ANKRD26: variants seen among roughly 807,000 people sequenced by gnomAD.
The protein encoded by ANKRD26 is ankyrin repeat domain 26.
A neutral mutation model predicts 208.7 loss-of-function variants in ANKRD26; 141 were observed. The observed-to-expected ratio is 0.68, with a 90% CI of 0.59 to 0.78. The LOEUF (loss-of-function observed/expected upper bound fraction) is 0.78. Among genes scored for constraint, ANKRD26 ranks in the 30% least tolerant of loss-of-function variants. ANKRD26 has a pLI of 0.00. For synonymous variants in ANKRD26, 636 were observed against 660.4 expected (o/e 0.96, Z 0.57); for missense variants, 1,889 against 1,938.7 (o/e 0.97, Z 0.48).
chr10:26,974,453 G>A (rs2052195606), exon 6 of ANKRD26, among the ~76,000 whole-genome samples: 1 of 150,948 alleles, frequency 6.6e-6, no homozygotes, highest in Non-Finnish European at 1.5e-5. Flanking sequence ...CCATTCTCCT[G>A]CCTCAGCCTC....
chr10:27,043,666 G>T, intron 19 of ANKRD26, 99 bp from the exon 20 acceptor site: 1 of 1,227,490 alleles, frequency 8.1e-7, no homozygotes, highest in Non-Finnish European at 1.2e-6. Context: ...AAAAACACAG[G>T]TATTTCTTAA....
intron 18 of ANKRD26, among the ~76,000 whole-genome samples, chr10:27,045,308 T>C (rs1266655518): frequency 1.3e-5 from 2 of 151,788 alleles, no homozygotes; most frequent in Non-Finnish European, 2.9e-5. Context: ...CCTGTAGTTC[T>C]AGCTACTTGG....
chr10:27,040,681 G>C (rs963316759), intron 20 of ANKRD26, among the ~76,000 whole-genome samples: 4 of 152,120 alleles, frequency 2.6e-5, no homozygotes, highest in Non-Finnish European at 4.4e-5. Context: ...ATGAAACAAC[G>C]AGTTTCAAGA....
rs752031374 is a variant in ANKRD26 at position 27,093,428 on chromosome 10, T to G, written c.452A>C (p.His151Pro). The G allele has an allele frequency of 6.8e-6, 11 of 1,614,166 alleles. No individual in the cohort carries two copies. The East Asian group carries it at 2.5e-4, about 36-fold the overall frequency. ...TATGTCCTCATTATAGACAGCATAG[T>G]GAAGAGCAGTGTTGCCATGGACATC... is the stretch of plus-strand genomic sequence containing the variant. The part of the protein sequence containing the change: ...LADVHGNTAL[H>P]YAVYNEDISV... The change falls in exon 3 of 34, where the codon CAC becomes CCC. Residue 151 changes from histidine to proline, a missense_variant. His to Pro is a moderately conservative substitution (Grantham distance 77). Around this residue, in one of 3 missense-constraint regions of ANKRD26, gnomAD observed 1,272 missense variants for 1,273.8 expected, o/e 1.00. Coordinates refer to ENST00000376087, the MANE Select transcript of ANKRD26 (RefSeq NM_014915.3).
chr10:27,028,585 C>CA (rs11294303), intron 27 of ANKRD26, among the ~76,000 whole-genome samples: 5,573 of 75,896 alleles, frequency 0.073, 283 homozygotes, highest in East Asian at 0.15. Flanking sequence ...GACTCCATCT[C>CA]AAAAAAAAAA....
the ANKRD26 span, among the ~76,000 whole-genome samples, chr10:26,955,164 C>T: frequency 2.0e-5 from 3 of 151,962 alleles, no homozygotes; most frequent in Non-Finnish European, 4.4e-5. Flanking sequence ...CGCAGTAGCT[C>T]ATGCCCATAA....
intron 32 of ANKRD26, among the ~76,000 whole-genome samples, chr10:27,012,239 A>T (rs1260288138): frequency 1.3e-5 from 2 of 152,200 alleles, no homozygotes; most frequent in African/African-American, 2.4e-5. Context: ...AAGCCAAAGT[A>T]TCTCAACGTA....
the ANKRD26 span, among the ~76,000 whole-genome samples, chr10:26,951,018 T>C: frequency 5.9e-4 from 33 of 55,860 alleles, 1 homozygote; most frequent in East Asian, 2.5e-3. Context: ...CTTTTCTTTT[T>C]CTTTTTTTTT....
At chr10:26,991,918 T>C (rs1334993295) in exon 6 of ANKRD26, 1 of 152,184 alleles carries the variant, frequency 6.6e-6, no homozygotes, top group African/African-American at 2.4e-5. Context: ...AAAAATGACA[T>C]AGACAATAGG....
the ANKRD26 span, among the ~76,000 whole-genome samples, chr10:26,953,889 G>A: frequency 2.0e-5 from 3 of 152,154 alleles, no homozygotes; most frequent in Non-Finnish European, 4.4e-5. Context: ...CGTGCATCAA[G>A]CAGTACAAAA....
In ANKRD26 at chr10:27,033,284, T is replaced by C. The variant is rs2053937718; in HGVS notation, c.3748A>G (p.Ile1250Val). Residue 1250 changes from isoleucine to valine, a missense_variant, in exon 25 of 34, where the codon ATT becomes GTT. Coordinates refer to ENST00000376087, the MANE Select transcript of ANKRD26 (RefSeq NM_014915.3). ...ASLEVTSRYR[I>V]NLEDETQDLK... ...TCCTGTGTCTCATCTTCTAAATTAA[T>C]ACGATAACGTGACGTAACCTCCAGT... is the stretch of plus-strand genomic sequence containing the variant. 1 of 1,612,684 alleles carries C rather than the reference T, an allele frequency of 6.2e-7. No individual in the cohort carries two copies. The highest frequency in any genetic ancestry group is 1.3e-5 in the African/African-American group (1 of 74,900).
At chr10:26,975,795 T>G (rs189516947) in exon 6 of ANKRD26, among the ~76,000 whole-genome samples, 1 of 151,854 alleles carries the variant, frequency 6.6e-6, no homozygotes, top group Non-Finnish European at 1.5e-5. Context: ...TGAGCCCAGA[T>G]TGCCCCACTG....
intron 20 of ANKRD26, among the ~76,000 whole-genome samples, chr10:27,042,952 C>CAAAAAA (rs376971749): frequency 1.2e-5 from 1 of 82,412 alleles, no homozygotes; most frequent in African/African-American, 4.1e-5. Context: ...AATTTTGTCT[C>CAAAAAA]AAAAAAAAAA....
intron 33 of ANKRD26, among the ~76,000 whole-genome samples, chr10:27,006,449 G>A (rs1045446008): frequency 6.6e-6 from 1 of 152,200 alleles, no homozygotes; most frequent in Non-Finnish European, 1.5e-5. Context: ...CAATGACAAA[G>A]TAAATGACTG....
intron 30 of ANKRD26, among the ~76,000 whole-genome samples, chr10:27,017,137 C>A (rs2053321923): frequency 6.6e-6 from 1 of 152,126 alleles, no homozygotes; most frequent in Admixed American, 6.6e-5. Context: ...TACTCATGAA[C>A]TCTGATAATT....
chr10:26,974,308 C>T (rs1458064950), exon 6 of ANKRD26, among the ~76,000 whole-genome samples: 1 of 150,700 alleles, frequency 6.6e-6, no homozygotes, highest in Non-Finnish European at 1.5e-5. Flanking sequence ...TCTGGGTCAT[C>T]ATTCCTTTGC....
intron 4 of ANKRD26, among the ~76,000 whole-genome samples, chr10:27,086,858 G>A (rs1026994203): frequency 1.3e-4 from 17 of 134,932 alleles, no homozygotes; most frequent in African/African-American, 4.2e-4. Flanking sequence ...TGCAACCTCC[G>A]CCTCCCGGGT....
At position 27,017,503 on chromosome 10, in the gene ANKRD26, T is replaced by C. The variant is rs1157302018; in HGVS notation, c.4505A>G (p.Gln1502Arg). 2 of 1,613,290 alleles carry C rather than the reference T, an allele frequency of 1.2e-6. No homozygotes were observed. Among genetic ancestry groups the C allele is most frequent in the South Asian group, 1.1e-5 (1 of 91,060 alleles). The change falls in exon 30 of 34, where the codon CAG becomes CGG. Residue 1502 changes from glutamine to arginine, a missense_variant and splice_region_variant. By Grantham distance (43) the Gln-to-Arg change is conservative (BLOSUM62 1). Coordinates refer to ENST00000376087, the MANE Select transcript of ANKRD26 (RefSeq NM_014915.3). ...EKLKEVNLFL[Q>R]AQAASQENLE... ...AAGGCACACTACACATAAGCTAACCTGTAAAAATAGATTGACTTCTTTTAA... is the reference window on the plus strand; with the variant it reads ...AAGGCACACTACACATAAGCTAACCCGTAAAAATAGATTGACTTCTTTTAA...
At chr10:27,043,823 G>A (rs138005138) in intron 19 of ANKRD26, among the ~76,000 whole-genome samples, 74 of 150,828 alleles carry the variant, frequency 4.9e-4, no homozygotes, top group Middle Eastern at 3.4e-3. Flanking sequence ...ATCGGGTCTC[G>A]CTCTATCACC....
Sources: allele counts gnomAD v4.1 joint callset (sites outside exome capture counted in the v4.1 genomes callset), GRCh38; gene constraint gnomAD v4.1.1; regional missense constraint gnomAD v4.1.1; transcripts MANE v1.5; gene names NCBI Gene and HGNC (gene_info 2026-07-23, HGNC 2026-07-21).